Variants in GOLGB1 observed in about 807,000 individuals in gnomAD.
GOLGB1 encodes the protein golgin B1, also known as golgin subfamily B member 1.
A neutral mutation model predicts 336.9 loss-of-function variants in GOLGB1; 174 were observed. The observed-to-expected ratio is 0.52, with a 90% CI of 0.46 to 0.59. GOLGB1 has a LOEUF of 0.59. Ranked by LOEUF, GOLGB1 falls within the 20% of genes least tolerant of loss-of-function variation. GOLGB1 has a pLI of 0.00. For missense variants in GOLGB1, 3,331 were observed against 3,645.3 expected, an observed-to-expected ratio of 0.91 and a Z score of 2.22; for synonymous variants, 1,208 against 1,289.2, an observed-to-expected ratio of 0.94 and a Z score of 1.35.
In GOLGB1 at chr3:121,677,063, C is replaced by T. The variant is rs1251771293; in HGVS notation, c.9040-33G>A. The T allele has an allele frequency of 2.5e-6, 4 of 1,612,910 alleles. No homozygotes were observed. The African/African-American group carries it at 5.3e-5, about 22-fold the overall frequency. ...GACACAAACATTGATCAGATTCTCT[C>T]CTAAGATTGCGCATGCTTAATTCCT... On this transcript the variant is annotated intron_variant, in intron 16 of 21. Transcript: ENST00000614479.
At chr3:121,713,436 ACTT>A (rs1944506559) in intron 10 of GOLGB1, among the ~76,000 whole-genome samples, 1 of 152,218 alleles carries the variant, frequency 6.6e-6, no homozygotes, top group African/African-American at 2.4e-5. Context: ...AAAATAAAAT[ACTT>A]CTCAGCAATA....
chr3:121,745,801 G>A (rs1379727475), intron 1 of GOLGB1, among the ~76,000 whole-genome samples: 1 of 152,138 alleles, frequency 6.6e-6, no homozygotes, highest in Non-Finnish European at 1.5e-5. Context: ...GCTGGTCACA[G>A]CTTTCACAAA....
intron 5 of GOLGB1, among the ~76,000 whole-genome samples, chr3:121,725,841 A>G (rs1945546355): frequency 6.6e-6 from 1 of 152,128 alleles, no homozygotes; most frequent in South Asian, 2.1e-4. Context: ...CTGAGCTGGC[A>G]AATTAGCACA....
intron 5 of GOLGB1, among the ~76,000 whole-genome samples, chr3:121,723,846 G>A (rs1945360675): frequency 6.6e-6 from 1 of 152,056 alleles, no homozygotes; most frequent in Admixed American, 6.6e-5. Flanking sequence ...TCCAAATAGA[G>A]GTTTAGGAGA....
intron 1 of GOLGB1, among the ~76,000 whole-genome samples, chr3:121,747,150 TTATATATATATATATATA>T (rs548032779): frequency 1.7e-3 from 83 of 49,584 alleles, no homozygotes; most frequent in African/African-American, 4.6e-3. Flanking sequence ...TACATGGATG[TTATATATATATATATATA>T]TATATATATA....
chr3:121,698,976 C>T (rs1943178515), intron 12 of GOLGB1, 47 bp from the exon 13 acceptor site: 3 of 1,388,480 alleles, frequency 2.2e-6, no homozygotes, highest in African/African-American at 2.9e-5. Context: ...TGTTTTATAA[C>T]ATTAAAAAAA....
intron 5 of GOLGB1, among the ~76,000 whole-genome samples, chr3:121,722,824 G>A (rs1945293230): frequency 6.6e-6 from 1 of 152,198 alleles, no homozygotes; most frequent in Admixed American, 6.6e-5. Context: ...AACAGCCAAT[G>A]TATTTATTTG....
rs1274650016 is a variant in GOLGB1 at position 121,747,287 on chromosome 3, ATATATATGTG to A, written c.-3+2335_-3+2344del. Among the ~76,000 whole-genome samples the A allele has an allele frequency of 6.4e-5, 7 of 110,058 alleles. No individual in the cohort carries two copies. The East Asian group carries it at 9.2e-4, about 14-fold the overall frequency. The allele number at this position is 110,058 out of a possible 152,430, so 72.2% of individuals were successfully genotyped here. On this transcript the variant is annotated intron_variant, in intron 1 of 21. Coordinates refer to ENST00000614479, the MANE Select transcript of GOLGB1 (RefSeq NM_001366282.2). ...TATATATGTATATATGTATATATGT[ATATATATGTG>A]TATATATGTATATATGTATATATGT...
rs112497822 is a variant in GOLGB1, at chr3:121,690,857, A to T, written c.8507T>A (p.Val2836Glu). 1.9e-6 allele frequency: 3 copies of T among 1,613,816 alleles called. No homozygotes were observed. In the South Asian group the frequency reaches 3.3e-5, roughly 18 times the overall value. ...SSQLEDSYNQVQSFSKAMASL... is the reference protein window; with the variant it reads ...SSQLEDSYNQEQSFSKAMASL... ...GGCCATAGCCTTGGAAAAGGACTGC[A>T]CTTGGTTATAAGAATCTTCTAGTTG... is the stretch of plus-strand genomic sequence containing the variant. Residue 2836 changes from valine to glutamate, a missense_variant, in exon 14 of 22, where the codon GTG becomes GAG. By Grantham distance (121) the Val-to-Glu change is moderately radical. Transcript: ENST00000614479.
chr3:121,665,594 C>T (rs1025518774), intron 20 of GOLGB1, among the ~76,000 whole-genome samples: 1 of 152,206 alleles, frequency 6.6e-6, no homozygotes, highest in African/African-American at 2.4e-5. Context: ...TCTCCACTGC[C>T]TTCTGGCTCA....
rs1943050780 is a variant in GOLGB1 at position 121,697,546 on chromosome 3, TTTC to T, written c.2974_2976del (p.Glu992del). 1 of 1,613,796 alleles carries T rather than the reference TTTC, an allele frequency of 6.2e-7. No homozygotes were observed. Among genetic ancestry groups the T allele is most frequent in the African/African-American group, 1.3e-5 (1 of 75,038 alleles). ...TGGAGCTTTCTCTTTCTCTGCTCATTTTCTTTCTTCAGAAGGTCAAATTCATGC... is the reference window on the plus strand; with the variant it reads ...TGGAGCTTTCTCTTTCTCTGCTCATTTTTCTTCAGAAGGTCAAATTCATGC... On this transcript the variant is annotated inframe_deletion, in exon 13 of 22. Coordinates refer to ENST00000614479, the MANE Select transcript of GOLGB1 (RefSeq NM_001366282.2).
intron 18 of GOLGB1, among the ~76,000 whole-genome samples, chr3:121,668,844 A>G (rs1270667430): frequency 1.3e-5 from 2 of 151,276 alleles, no homozygotes; most frequent in African/African-American, 4.9e-5. Context: ...TCAATGCTGT[A>G]CTCCTCTCCC....
In GOLGB1 at chr3:121,692,441, G is replaced by A. The variant is rs1263867668; in HGVS notation, c.6923C>T (p.Ser2308Phe). 1 of 1,614,032 alleles carries A rather than the reference G, an allele frequency of 6.2e-7. No homozygotes were observed. ...LEETRHLYHS[S>F]QNELAKLESE... is the part of the protein sequence containing the mutation. ...TTCCAACTTAGCTAATTCATTCTGA[G>A]AACTGTGGTATAGGTGGCGTGTCTC... The change falls in exon 14 of 22, where the codon TCT (serine) becomes TTT (phenylalanine). Residue 2308 changes from serine to phenylalanine, a missense_variant. Physicochemically the swap from Ser to Phe is radical, Grantham distance 155 (BLOSUM62 -2). Coordinates refer to ENST00000614479, the MANE Select transcript of GOLGB1 (RefSeq NM_001366282.2).
intron 1 of GOLGB1, among the ~76,000 whole-genome samples, chr3:121,746,930 AT>A (rs928332046): frequency 6.6e-6 from 1 of 151,878 alleles, no homozygotes; most frequent in Non-Finnish European, 1.5e-5. Flanking sequence ...TACACAGAAA[AT>A]ATTTTATTTT....
rs773838964 is a variant in GOLGB1 at position 121,694,375 on chromosome 3, G to C, written c.6148C>G (p.Leu2050Val). The stretch of plus-strand genomic sequence containing the variant: ...TGAGATTCAGTTTGAACAAATTCTA[G>C]AGCTTTAACAGTTCTCTCCAGAGCA... Reference protein sequence around the residue: ...ISALERTVKALEFVQTESQKD... With the variant: ...ISALERTVKAVEFVQTESQKD... Residue 2050 changes from leucine (L) to valine (V), a missense_variant, in exon 13 of 22, where the codon CTA becomes GTA. Leu to Val is a conservative substitution (Grantham distance 32). Coordinates refer to ENST00000614479, the MANE Select transcript of GOLGB1 (RefSeq NM_001366282.2). 1 of 1,613,374 alleles carries C rather than the reference G, an allele frequency of 6.2e-7. No homozygotes were observed. Among genetic ancestry groups the C allele is most frequent in the Non-Finnish European group, 8.5e-7 (1 of 1,179,810 alleles).
At chr3:121,704,205 G>A (rs368764056) in intron 10 of GOLGB1, among the ~76,000 whole-genome samples, 1 of 152,028 alleles carries the variant, frequency 6.6e-6, no homozygotes, top group African/African-American at 2.4e-5. Flanking sequence ...TGGAGTACCA[G>A]AAGAGACGAG....
rs201015157 is a variant in GOLGB1 at position 121,745,911 on chromosome 3, A to G, written c.-3+3721T>C. Among the ~76,000 whole-genome samples the G allele has an allele frequency of 7.2e-5, 11 of 152,346 alleles. 1 individual carries two copies. In the East Asian group the frequency reaches 2.1e-3, roughly 29 times the overall value. On this transcript the variant is annotated intron_variant, in intron 1 of 21. Coordinates refer to ENST00000614479, the MANE Select transcript of GOLGB1 (RefSeq NM_001366282.2). ...TTCACTGTTATCAATGATTATTCTTATAACAACCACCTGGTGTTCAGCATT... is the reference window on the plus strand; with the variant it reads ...TTCACTGTTATCAATGATTATTCTTGTAACAACCACCTGGTGTTCAGCATT...
In GOLGB1 at chr3:121,688,960, G is replaced by A. The variant is rs1177470098; in HGVS notation, c.8694+1710C>T. Among the ~76,000 whole-genome samples, 8 of 151,642 alleles carry A rather than the reference G, an allele frequency of 5.3e-5. No individual in the cohort carries two copies. The South Asian group carries it at 6.3e-4, about 12-fold the overall frequency. On this transcript the variant is annotated intron_variant, in intron 14 of 21. Coordinates refer to ENST00000614479, the MANE Select transcript of GOLGB1 (RefSeq NM_001366282.2). ...AGCCCCTTGGCCTGGCAACCACCCCGTCTGGGAAGTGAGGAGCGTCTCCGC... is the reference window on the plus strand; with the variant it reads ...AGCCCCTTGGCCTGGCAACCACCCCATCTGGGAAGTGAGGAGCGTCTCCGC...
At chr3:121,737,453 C>G (rs1045975686) in intron 1 of GOLGB1, among the ~76,000 whole-genome samples, 1 of 151,630 alleles carries the variant, frequency 6.6e-6, no homozygotes, top group Non-Finnish European at 1.5e-5. Context: ...GAGTTTGAGA[C>G]CAGTCTGACC....
Sources: allele counts gnomAD v4.1 joint callset (sites outside exome capture counted in the v4.1 genomes callset), GRCh38; gene constraint gnomAD v4.1.1; transcripts MANE v1.5; gene names NCBI Gene and HGNC (gene_info 2026-07-23, HGNC 2026-07-21).